Variants in INPP5F observed in about 807,000 individuals in gnomAD.
INPP5F encodes inositol polyphosphate-5-phosphatase F, also known as phosphatidylinositide 4-phosphatase SAC2.
Under a neutral mutation model 137.2 loss-of-function variants are expected in INPP5F, and 97 were observed. The observed-to-expected ratio is 0.71, with a 90% CI of 0.60 to 0.84. The LOEUF (loss-of-function observed/expected upper bound fraction) is 0.84. Among genes scored for constraint, INPP5F ranks in the 40% least tolerant of loss-of-function variants. The pLI is 0.00. For synonymous variants in INPP5F, 504 were observed against 476.9 expected (o/e 1.06, Z -0.74); for missense variants, 1,271 against 1,371.9 (o/e 0.93, Z 1.16).
chr10:119,753,470 T>C (rs558140506), intron 2 of INPP5F, among the ~76,000 whole-genome samples: 109 of 152,318 alleles, frequency 7.2e-4, no homozygotes, highest in African/African-American at 2.4e-3. Flanking sequence ...CTCTTGTCTG[T>C]TGTGTTGGCT....
At chr10:119,773,437 C>A (rs1849427386) in intron 2 of INPP5F, among the ~76,000 whole-genome samples, 1 of 152,180 alleles carries the variant, frequency 6.6e-6, no homozygotes, top group African/African-American at 2.4e-5. Context: ...GTTTGGTCTT[C>A]TGTTGATCCC....
Position 119,828,896 on chromosome 10 carries a change from ACT to A in INPP5F, c.*1119_*1120del, listed in dbSNP as rs927780154. 2.6e-5 allele frequency: 4 copies of A among 152,554 alleles called. No individual in the cohort carries two copies. The highest frequency in any genetic ancestry group is 1.9e-4 in the East Asian group (1 of 5,192). 9.5% of individuals were successfully genotyped at this position (152,554 alleles called of 1,614,324 possible). On this transcript the variant is annotated 3_prime_UTR_variant, in exon 20 of 20. Coordinates refer to ENST00000650623, the MANE Select transcript of INPP5F (RefSeq NM_014937.4). Reference sequence around the variant, plus strand: ...ATTGTGCTGAATCTGTCTGACTATAACTCTGACCACACAGAACCAGGGCTGCC... The same window carrying A: ...ATTGTGCTGAATCTGTCTGACTATAACTGACCACACAGAACCAGGGCTGCC...
chr10:119,741,979 C>T (rs1848388617), intron 1 of INPP5F, among the ~76,000 whole-genome samples: 1 of 151,990 alleles, frequency 6.6e-6, no homozygotes, highest in Admixed American at 6.6e-5. Context: ...TGCCACCACG[C>T]CTGGCTAATT....
At chr10:119,741,642 C>G (rs1224213354) in intron 1 of INPP5F, among the ~76,000 whole-genome samples, 1 of 152,138 alleles carries the variant, frequency 6.6e-6, no homozygotes, top group Non-Finnish European at 1.5e-5. Context: ...TCAAGCCGTT[C>G]TCTTGCCTCA....
intron 1 of INPP5F, among the ~76,000 whole-genome samples, chr10:119,730,540 C>T (rs954998493): frequency 6.6e-6 from 1 of 152,168 alleles, no homozygotes; most frequent in African/African-American, 2.4e-5. Flanking sequence ...ATAATACAAT[C>T]CACTTTGGGG....
chr10:119,753,438 A>C (rs1014424331), intron 2 of INPP5F, among the ~76,000 whole-genome samples: 8 of 152,186 alleles, frequency 5.3e-5, no homozygotes, highest in African/African-American at 1.9e-4. Context: ...TCATGATTCT[A>C]TGGGTTGACA....
rs59804262 is a variant in INPP5F at position 119,785,535 on chromosome 10, CGAGAGAGAGAGAGA to C, written c.315+3795_315+3808del. 5.8e-3 allele frequency among the ~76,000 whole-genome samples: 543 copies of C among 93,626 alleles called. 3 individuals are homozygous for C. Among genetic ancestry groups the C allele is most frequent in the African/African-American group, 0.019 (484 of 25,412 alleles). The allele number at this position is 93,626 out of a possible 152,430, so 61.4% of individuals were successfully genotyped here. ...TGATCTCCTGACCTTGTGATCCGCT[CGAGAGAGAGAGAGA>C]GAGAGAGAGAGAGAGAGAGAGAGAG... On this transcript the variant is annotated intron_variant, in intron 3 of 19. Coordinates refer to ENST00000650623, the MANE Select transcript of INPP5F (RefSeq NM_014937.4).
chr10:119,745,504 C>T (rs951891076), intron 1 of INPP5F, among the ~76,000 whole-genome samples: 1 of 151,948 alleles, frequency 6.6e-6, no homozygotes, highest in East Asian at 1.9e-4. Context: ...TACTTACATA[C>T]ATCTATGAGT....
intron 9 of INPP5F, among the ~76,000 whole-genome samples, chr10:119,800,989 G>T (rs1850569118): frequency 6.8e-6 from 1 of 147,680 alleles, no homozygotes; most frequent in South Asian, 2.1e-4. Flanking sequence ...ACCAAGTTTT[G>T]ACAAGGACAT....
intron 10 of INPP5F, 49 bp from the exon 11 acceptor site, chr10:119,805,335 A>G: frequency 2.1e-6 from 3 of 1,449,418 alleles, no homozygotes; most frequent in Non-Finnish European, 2.9e-6. Context: ...TTTTAAAAAA[A>G]TCTATGATTA....
chr10:119,786,269 T>C (rs1849912313), intron 3 of INPP5F, among the ~76,000 whole-genome samples: 2 of 152,150 alleles, frequency 1.3e-5, no homozygotes, highest in Non-Finnish European at 2.9e-5. Context: ...TGTTTCAGAG[T>C]TGTGATAAGG....
At chr10:119,780,442 TG>T (rs1393919560) in intron 2 of INPP5F, among the ~76,000 whole-genome samples, 3 of 152,000 alleles carry the variant, frequency 2.0e-5, no homozygotes, top group Admixed American at 2.0e-4. Context: ...CTGGGCATGG[TG>T]GTGTATGCCT....
At chr10:119,816,855 A>C (rs1182043347) in intron 15 of INPP5F, among the ~76,000 whole-genome samples, 1 of 152,214 alleles carries the variant, frequency 6.6e-6, no homozygotes, top group Non-Finnish European at 1.5e-5. Flanking sequence ...CATATAATTC[A>C]TATACCATAT....
In INPP5F at chr10:119,827,006, A is replaced by G. The variant is rs778707665; in HGVS notation, c.2625A>G (p.Leu875=). 6.2e-7 allele frequency: 1 copy of G among 1,614,170 alleles called. No homozygotes were observed. The highest frequency in any genetic ancestry group is 8.5e-7 in the Non-Finnish European group (1 of 1,179,996). Residue 875 remains leucine (L), a synonymous_variant, in exon 20 of 20, where the codon CTA becomes CTG. Coordinates refer to ENST00000650623, the MANE Select transcript of INPP5F (RefSeq NM_014937.4). The part of the protein sequence containing the change: ...TNSKSDEDRQ[L]ANSLESVGPI... ...CTAAGTCTGATGAAGACAGGCAGCT[A>G]GCTAACTCATTAGAGAGTGTAGGGC...
At chr10:119,781,344 C>T (rs1476033935) in intron 2 of INPP5F, among the ~76,000 whole-genome samples, 3 of 152,196 alleles carry the variant, frequency 2.0e-5, no homozygotes, top group Admixed American at 6.5e-5. Flanking sequence ...TGAGTTTTCT[C>T]ACAGTCTCGC....
rs145275439 is a variant in INPP5F at position 119,753,979 on chromosome 10, C to T, written c.178+2823C>T. 3.6e-3 allele frequency among the ~76,000 whole-genome samples: 541 copies of T among 152,294 alleles called. 3 individuals are homozygous for T. Among genetic ancestry groups the T allele is most frequent in the African/African-American group, 0.012 (507 of 41,558 alleles). Reference sequence around the variant, plus strand: ...CTCCCTCTATGTCTCTTTTATTCTTCTCTCTTTTTGGCTTTCTCTGTTTGT... The same window carrying T: ...CTCCCTCTATGTCTCTTTTATTCTTTTCTCTTTTTGGCTTTCTCTGTTTGT... On this transcript the variant is annotated intron_variant, in intron 2 of 19. Transcript: ENST00000650623.
chr10:119,776,701 T>A (rs1239539373), intron 2 of INPP5F, among the ~76,000 whole-genome samples: 1 of 151,926 alleles, frequency 6.6e-6, no homozygotes, highest in East Asian at 1.9e-4. Flanking sequence ...TGTGTGTGTG[T>A]GACCCACAGA....
intron 3 of INPP5F, among the ~76,000 whole-genome samples, chr10:119,789,758 A>T (rs1413102636): frequency 6.6e-6 from 1 of 151,894 alleles, no homozygotes; most frequent in Non-Finnish European, 1.5e-5. Context: ...ATTGGAATCC[A>T]TGAGTCTGGA....
chr10:119,799,934 G>C (rs1850522330), intron 9 of INPP5F, among the ~76,000 whole-genome samples: 1 of 151,620 alleles, frequency 6.6e-6, no homozygotes, highest in South Asian at 2.1e-4. Flanking sequence ...TTTAATGAGA[G>C]GTAATGCCCA....
Sources: allele counts gnomAD v4.1 joint callset (sites outside exome capture counted in the v4.1 genomes callset), GRCh38; gene constraint gnomAD v4.1.1; transcripts MANE v1.5; gene names NCBI Gene and HGNC (gene_info 2026-07-23, HGNC 2026-07-21).